Variants in PER3 observed in about 807,000 individuals in gnomAD.
The protein encoded by PER3 is period circadian protein homolog 3.
Under a neutral mutation model 127.2 loss-of-function variants are expected in PER3, and 107 were observed. That is an observed-to-expected ratio of 0.84 (90% CI 0.72 to 0.99). The LOEUF (loss-of-function observed/expected upper bound fraction) is 0.99. Ranked by LOEUF, PER3 falls within the 50% of genes least tolerant of loss-of-function variation. PER3 has a pLI of 0.00. For missense variants in PER3, 1,560 were observed against 1,525.8 expected (o/e 1.02, Z -0.37); for synonymous variants, 618 against 585.8 (o/e 1.05, Z -0.79).
intron 1 of PER3, 39 bp downstream of exon 1, chr1:7,784,415 C>G (rs1355163787): frequency 6.6e-6 from 1 of 152,240 alleles, no homozygotes; most frequent in African/African-American, 2.4e-5. Flanking sequence ...GGCGGCCGGG[C>G]GGGAGTTCTG....
intron 19 of PER3, among the ~76,000 whole-genome samples, chr1:7,834,176 T>C (rs2097346594): frequency 6.6e-6 from 1 of 152,228 alleles, no homozygotes; most frequent in Non-Finnish European, 1.5e-5. Context: ...CGCCTTGGCC[T>C]CCCAAAGTGC....
intron 16 of PER3, among the ~76,000 whole-genome samples, chr1:7,823,918 A>G (rs2097289585): frequency 6.6e-6 from 1 of 152,216 alleles, no homozygotes; most frequent in Non-Finnish European, 1.5e-5. Context: ...CTCAGATTTA[A>G]AAAGGATTGA....
chr1:7,833,469 A>G (rs1180536256), intron 19 of PER3, among the ~76,000 whole-genome samples: 2 of 152,224 alleles, frequency 1.3e-5, no homozygotes, highest in Non-Finnish European at 2.9e-5. Context: ...ACTTGAGATT[A>G]TTATATCCTC....
Position 7,819,390 on chromosome 1 carries a change from A to T in PER3, c.1628A>T (p.Gln543Leu). The T allele has an allele frequency of 6.2e-7, 1 of 1,614,116 alleles. No homozygotes were observed. Among genetic ancestry groups the T allele is most frequent in the Non-Finnish European group, 8.5e-7 (1 of 1,179,950 alleles). The stretch of plus-strand genomic sequence containing the variant: ...AACGATGAGCACAGCCCATCCTATC[A>T]ACAGATCAACTGTATCGACAGTGTC... ...LRNDEHSPSY[Q>L]QINCIDSVIR... Residue 543 changes from glutamine (Q) to leucine (L), a missense_variant, in exon 14 of 22, where the codon CAA becomes CTA. Physicochemically the swap from Gln to Leu is moderately radical, Grantham distance 113. Around this residue, in one of 3 missense-constraint regions of PER3, gnomAD observed 1,332 missense variants for 1,223.6 expected, o/e 1.09. Coordinates refer to ENST00000377532, the MANE Select transcript of PER3 (RefSeq NM_001377275.1).
chr1:7,784,632 C>A, intron 1 of PER3, 22 bp from the exon 2 acceptor site: 1 of 391,306 alleles, frequency 2.6e-6, no homozygotes, highest in Non-Finnish European at 4.5e-6. Flanking sequence ...TGTCCCTTGT[C>A]ACCCTTGTCT....
rs748286278 is a variant in PER3 at position 7,826,574 on chromosome 1, G to A, written c.2052G>A (p.Ala684=). The A allele has an allele frequency of 1.6e-5, 26 of 1,612,926 alleles. No individual in the cohort carries two copies. Among genetic ancestry groups the A allele is most frequent in the African/African-American group, 5.3e-5 (4 of 74,866 alleles). Residue 684 remains alanine, a synonymous_variant, in exon 17 of 22, where the codon GCG becomes GCA. Transcript: ENST00000377532. The surrounding 1 kb of genome is among the most constrained non-coding windows in gnomAD (Gnocchi z 4.2). The part of the protein sequence containing the change: ...SEEFKHVGLT[A]AVLSAHTQKE... ...AATTTAAACACGTGGGGCTCACAGC[G>A]GCTGTTCTGTCAGCGCACACCCAGA...
intron 18 of PER3, among the ~76,000 whole-genome samples, chr1:7,829,519 A>G (rs1440000401): frequency 6.6e-6 from 1 of 152,192 alleles, no homozygotes; most frequent in East Asian, 1.9e-4. Context: ...ATGTTACTTG[A>G]ACACAAGCAC....
chr1:7,793,940 G>C lies in PER3; in HGVS notation c.593-17G>C, dbSNP rs181072346. The C allele has an allele frequency of 1.9e-6, 3 of 1,609,864 alleles. No individual in the cohort carries two copies. Among genetic ancestry groups the C allele is most frequent in the Non-Finnish European group, 2.6e-6 (3 of 1,176,118 alleles). ...CTGGATAAGAGGGAGTGACTGACCA[G>C]GCATCTTTCTTTCTAGCAGCTGCAC... On this transcript the variant is annotated splice_polypyrimidine_tract_variant and intron_variant, in intron 5 of 21. Coordinates refer to ENST00000377532, the MANE Select transcript of PER3 (RefSeq NM_001377275.1).
rs781026397 is a variant in PER3, at chr1:7,785,511, C to T, written c.199C>T (p.Pro67Ser). Reference protein sequence around the residue: ...MVVQEMKKYFPSERRNKPSTL... With the variant: ...MVVQEMKKYFSSERRNKPSTL... ...TGTCCAAGAAATGAAAAAATACTTC[C>T]CCTCGGAGAGACGCAATAAACCAAG... The change falls in exon 3 of 22, where the codon CCC (proline) becomes TCC (serine). Residue 67 changes from proline to serine, a missense_variant. This residue lies in a region of PER3 where 1,332 missense variants were observed against 1,223.6 expected (regional missense o/e 1.09). Transcript: ENST00000377532. 10 of 1,610,908 alleles carry T rather than the reference C, an allele frequency of 6.2e-6. No homozygotes were observed. In the East Asian group the frequency reaches 1.3e-4, roughly 22 times the overall value.
chr1:7,819,441 A>C, intron 14 of PER3, 21 bp downstream of exon 14: 1 of 1,611,286 alleles, frequency 6.2e-7, no homozygotes, highest in Non-Finnish European at 8.5e-7. Context: ...GCAAGTTTGG[A>C]TACCATGTAA....
intron 20 of PER3, among the ~76,000 whole-genome samples, chr1:7,836,386 C>T (rs1446729342): frequency 6.6e-6 from 1 of 152,114 alleles, no homozygotes; most frequent in Non-Finnish European, 1.5e-5. Context: ...CTCATGTTGG[C>T]CAGGTTGATC....
rs1157163596 is a variant in PER3, at chr1:7,842,891, C to T, written c.*136C>T. 6 of 595,110 alleles carry T rather than the reference C, an allele frequency of 1.0e-5. No homozygotes were observed. The highest frequency in any genetic ancestry group is 9.4e-5 in the East Asian group (3 of 31,846). 36.9% of individuals were successfully genotyped at this position (595,110 alleles called of 1,614,324 possible). On this transcript the variant is annotated 3_prime_UTR_variant, in exon 22 of 22. Coordinates refer to ENST00000377532, the MANE Select transcript of PER3 (RefSeq NM_001377275.1). ...TTTTTCTTCTTGATTTTTTAATACA[C>T]GTAATCTTTTTGAAGCAGACATTGT...
At chr1:7,842,536 G>A in intron 21 of PER3, 136 bp from the exon 22 acceptor site, 1 of 814,592 alleles carries the variant, frequency 1.2e-6, no homozygotes, top group Non-Finnish European at 1.7e-6. Context: ...TAATAATAAA[G>A]AATGAACTAT....
intron 8 of PER3, among the ~76,000 whole-genome samples, chr1:7,802,652 C>T (rs1266088852): frequency 2.0e-5 from 3 of 152,200 alleles, no homozygotes; most frequent in South Asian, 2.1e-4. Flanking sequence ...CATCTTTCTA[C>T]GTTACGATGT....
At chr1:7,819,040 T>G (rs1028914738) in intron 13 of PER3, among the ~76,000 whole-genome samples, 4 of 152,254 alleles carry the variant, frequency 2.6e-5, no homozygotes, top group Non-Finnish European at 2.9e-5. Flanking sequence ...GTTTCATTCC[T>G]TATTTTTCTA....
intron 13 of PER3, among the ~76,000 whole-genome samples, chr1:7,818,784 T>G (rs1232474704): frequency 6.6e-6 from 1 of 152,252 alleles, no homozygotes; most frequent in Admixed American, 6.5e-5. Flanking sequence ...TTAGCACATA[T>G]AATACTAGTC....
intron 5 of PER3, among the ~76,000 whole-genome samples, chr1:7,788,854 A>G (rs185937496): frequency 1.8e-4 from 27 of 152,072 alleles, no homozygotes; most frequent in African/African-American, 6.3e-4. Context: ...CAGTGAGCCA[A>G]GATCACACCA....
At chr1:7,785,043 C>A in intron 2 of PER3, 38 bp downstream of exon 2, 2 of 1,557,274 alleles carry the variant, frequency 1.3e-6, no homozygotes, top group Non-Finnish European at 1.7e-6. Flanking sequence ...CCCATGCGTT[C>A]GTTGTCCTTC....
At chr1:7,785,136 C>A in intron 2 of PER3, 131 bp downstream of exon 2, 2 of 978,370 alleles carry the variant, frequency 2.0e-6, no homozygotes, top group Non-Finnish European at 3.0e-6. Context: ...GAGACTCGGG[C>A]AATGTAGGAT....
Sources: allele counts gnomAD v4.1 joint callset (sites outside exome capture counted in the v4.1 genomes callset), GRCh38; gene constraint gnomAD v4.1.1; regional missense constraint gnomAD v4.1.1; non-coding constraint Gnocchi (gnomAD v3.1); transcripts MANE v1.5; gene names NCBI Gene and HGNC (gene_info 2026-07-23, HGNC 2026-07-21).